Variants in OCA2 observed in about 807,000 individuals in gnomAD.
OCA2 encodes the protein P protein.
OCA2 carries 77 observed loss-of-function variants against 100.2 expected under a neutral mutation model. That is an observed-to-expected ratio of 0.77 (90% CI 0.64 to 0.93). OCA2 has a LOEUF of 0.93. OCA2 is among the 40% of genes least tolerant of loss of function. The probability of loss-of-function intolerance (pLI) is 0.00; values close to 1 mark genes in which losing one functional copy is unlikely to be tolerated. For missense variants in OCA2, 1,062 were observed against 1,089.1 expected (o/e 0.98, Z 0.35); for synonymous variants, 432 against 439.2 (o/e 0.98, Z 0.21).
chr15:28,075,758 T>C (rs2044408686), intron 2 of OCA2, among the ~76,000 whole-genome samples: 1 of 152,212 alleles, frequency 6.6e-6, no homozygotes, highest in Non-Finnish European at 1.5e-5. Context: ...ACAACTTGGA[T>C]GAAGCTCAAA....
chr15:27,758,485 G>A (rs1207078568), intron 23 of OCA2, among the ~76,000 whole-genome samples: 1 of 152,212 alleles, frequency 6.6e-6, no homozygotes, highest in Non-Finnish European at 1.5e-5. Context: ...CAAGTTGAAT[G>A]AGAAAAGCCA....
Position 28,024,845 on chromosome 15 carries a change from A to T in OCA2, c.573T>A (p.Ser191=). 1 of 1,614,238 alleles carries T rather than the reference A, an allele frequency of 6.2e-7. No homozygotes were observed. Among genetic ancestry groups the T allele is most frequent in the Non-Finnish European group, 8.5e-7 (1 of 1,180,026 alleles). ...MGLFAFVVLC[S]ILFSLYPDQG... Reference sequence around the variant, plus strand: ...GTGCTGGGGCAGCTAAGGTACTCACAGAACACAGCACCACAAAGGCAAACA... The same window carrying T: ...GTGCTGGGGCAGCTAAGGTACTCACTGAACACAGCACCACAAAGGCAAACA... Residue 191 remains serine (S), a splice_region_variant and synonymous_variant, in exon 5 of 24, where the codon TCT becomes TCA. Coordinates refer to ENST00000354638, the MANE Select transcript of OCA2 (RefSeq NM_000275.3).
chr15:27,798,943 A>C (rs2033465975), intron 23 of OCA2, among the ~76,000 whole-genome samples: 1 of 152,218 alleles, frequency 6.6e-6, no homozygotes, highest in African/African-American at 2.4e-5. Context: ...TTCCTTGAGC[A>C]CAACCCAGAT....
At chr15:27,970,520 A>C (rs984237142) in intron 14 of OCA2, among the ~76,000 whole-genome samples, 1 of 151,848 alleles carries the variant, frequency 6.6e-6, no homozygotes, top group Non-Finnish European at 1.5e-5. Context: ...CAGCACACAC[A>C]GCACGGTGGG....
intron 22 of OCA2, among the ~76,000 whole-genome samples, chr15:27,845,868 C>T (rs1452566980): frequency 2.0e-5 from 3 of 152,164 alleles, no homozygotes; most frequent in African/African-American, 7.2e-5. Flanking sequence ...CAACACTGCC[C>T]TGGAGCTGCC....
At chr15:27,822,080 C>T (rs2034530448) in intron 23 of OCA2, among the ~76,000 whole-genome samples, 1 of 151,970 alleles carries the variant, frequency 6.6e-6, no homozygotes, top group Non-Finnish European at 1.5e-5. Flanking sequence ...AGAATAAATA[C>T]AAAAAGAGAA....
At chr15:27,960,953 G>A (rs550235859) in intron 15 of OCA2, among the ~76,000 whole-genome samples, 2 of 151,814 alleles carry the variant, frequency 1.3e-5, no homozygotes, top group South Asian at 4.2e-4. Context: ...TTGACAAATG[G>A]GATCTAATTA....
At chr15:27,760,195 G>A (rs1220694283) in intron 23 of OCA2, among the ~76,000 whole-genome samples, 1 of 151,712 alleles carries the variant, frequency 6.6e-6, no homozygotes, top group Non-Finnish European at 1.5e-5. Flanking sequence ...AAAACCACAT[G>A]GAACTGAATG....
At chr15:28,093,411 C>A (rs2044905537) in intron 1 of OCA2, among the ~76,000 whole-genome samples, 1 of 142,044 alleles carries the variant, frequency 7.0e-6, no homozygotes. Flanking sequence ...AACACCGTCT[C>A]AAAAAAAAAA....
chr15:27,979,724 G>T (rs1460047753), intron 14 of OCA2, among the ~76,000 whole-genome samples: 1 of 148,170 alleles, frequency 6.7e-6, no homozygotes, highest in Non-Finnish European at 1.5e-5. Context: ...TTTTGAGACA[G>T]AGTCTCACTC....
chr15:27,926,039 TA>T, intron 19 of OCA2, 87 bp downstream of exon 19: 1 of 1,441,342 alleles, frequency 6.9e-7, no homozygotes, highest in Non-Finnish European at 9.7e-7. Context: ...GAAAGATTAA[TA>T]GATGTAGGCT....
At chr15:27,765,240 A>G (rs1238145447) in intron 23 of OCA2, among the ~76,000 whole-genome samples, 3 of 152,160 alleles carry the variant, frequency 2.0e-5, no homozygotes, top group Non-Finnish European at 4.4e-5. Context: ...GTCCTTATAC[A>G]AACACTGGAA....
intron 2 of OCA2, among the ~76,000 whole-genome samples, chr15:28,038,923 C>A (rs1370865158): frequency 2.0e-5 from 3 of 152,102 alleles, no homozygotes; most frequent in Non-Finnish European, 2.9e-5. Flanking sequence ...TATATGCTGT[C>A]TACAAGAGAT....
chr15:27,740,299 G>A, the OCA2 span, among the ~76,000 whole-genome samples: 1 of 152,100 alleles, frequency 6.6e-6, no homozygotes, highest in East Asian at 1.9e-4. Flanking sequence ...CTTGGCTGTG[G>A]AGGGACAGAA....
chr15:27,937,013 C>G (rs973767032), intron 18 of OCA2, among the ~76,000 whole-genome samples: 2 of 152,092 alleles, frequency 1.3e-5, no homozygotes, highest in African/African-American at 4.8e-5. Context: ...CTGACTTTCC[C>G]CTCCCTCTCT....
chr15:27,926,061 A>G, intron 19 of OCA2, 66 bp downstream of exon 19: 3 of 1,565,646 alleles, frequency 1.9e-6, no homozygotes, highest in Non-Finnish European at 2.6e-6. Context: ...TTCTTCATTC[A>G]CCAAATAAAA....
chr15:27,965,713 G>C (rs1007498879), intron 15 of OCA2, among the ~76,000 whole-genome samples: 1 of 152,170 alleles, frequency 6.6e-6, no homozygotes, highest in Non-Finnish European at 1.5e-5. Flanking sequence ...AAAGAAGAGC[G>C]CCTTCATCTG....
rs985 is a variant in OCA2 at position 27,755,013 on chromosome 15, C to A, written c.*375G>T. On this transcript the variant is annotated 3_prime_UTR_variant, in exon 24 of 24. Coordinates refer to ENST00000354638, the MANE Select transcript of OCA2 (RefSeq NM_000275.3). ...ACATGAAAAGTGATTACAAGAAAAA[C>A]AAACTGTGTTTAGCCTCAGGAGAAT... 1 of 250,494 alleles carries A rather than the reference C, an allele frequency of 4.0e-6. No individual in the cohort carries two copies. The highest frequency in any genetic ancestry group is 8.5e-5 in the East Asian group (1 of 11,760). The allele number at this position is 250,494 out of a possible 1,614,324, so 15.5% of individuals were successfully genotyped here.
chr15:27,956,546 G>GTTTGTAACCTGAGTTA (rs1418418075), intron 16 of OCA2, among the ~76,000 whole-genome samples: 20 of 152,200 alleles, frequency 1.3e-4, no homozygotes, highest in Non-Finnish European at 2.4e-4. Flanking sequence ...AACCTGAGAT[G>GTTTGTAACCTGAGTTA]CACTGAGTGT....
Sources: allele counts gnomAD v4.1 joint callset (sites outside exome capture counted in the v4.1 genomes callset), GRCh38; gene constraint gnomAD v4.1.1; transcripts MANE v1.5; gene names NCBI Gene and HGNC (gene_info 2026-07-23, HGNC 2026-07-21).